TARBP1: variants seen among roughly 807,000 people sequenced by gnomAD.
The protein encoded by TARBP1 is tRNA guanosine 2 -O-methyltransferase TARBP1.
TARBP1 carries 144 observed loss-of-function variants against 178.6 expected under a neutral mutation model. The observed-to-expected ratio is 0.81, with a 90% CI of 0.70 to 0.93. The LOEUF (loss-of-function observed/expected upper bound fraction) is 0.93. Ranked by LOEUF, TARBP1 falls within the 40% of genes least tolerant of loss-of-function variation. The pLI is 0.00. For synonymous variants in TARBP1, 787 were observed against 781.0 expected (o/e 1.01, Z -0.13); for missense variants, 2,067 against 2,011.7 (o/e 1.03, Z -0.53).
chr1:234,467,530 A>G lies in TARBP1; in HGVS notation c.1220T>C (p.Ile407Thr). 1.3e-6 allele frequency: 2 copies of G among 1,595,604 alleles called. No homozygotes were observed. The highest frequency in any genetic ancestry group is 1.7e-6 in the Non-Finnish European group (2 of 1,174,564). Residue 407 changes from isoleucine to threonine, a missense_variant, in exon 4 of 30, where the codon ATT becomes ACT. Coordinates refer to ENST00000040877, the MANE Select transcript of TARBP1 (RefSeq NM_005646.4). Reference sequence around the variant, plus strand: ...AGAAAATTCTGGTGAAAATGGAAGAATCTTTGTTTCATACAGCTCCAAAAA... The same window carrying G: ...AGAAAATTCTGGTGAAAATGGAAGAGTCTTTGTTTCATACAGCTCCAAAAA... ...IHFLELYETKILPFSPEFSEF... is the reference protein window; with the variant it reads ...IHFLELYETKTLPFSPEFSEF...
chr1:234,405,048 G>A (rs1429962314), intron 24 of TARBP1, among the ~76,000 whole-genome samples: 2 of 152,086 alleles, frequency 1.3e-5, no homozygotes, highest in Non-Finnish European at 2.9e-5. Flanking sequence ...TAATGGTCAC[G>A]ACCAAGACTT....
intron 22 of TARBP1, among the ~76,000 whole-genome samples, chr1:234,416,217 G>A (rs1033191324): frequency 6.6e-6 from 1 of 152,292 alleles, no homozygotes; most frequent in African/African-American, 2.4e-5. Context: ...GGATCTAAAA[G>A]GCAACTCAAG....
chr1:234,451,416 G>C (rs1666735543), intron 9 of TARBP1, among the ~76,000 whole-genome samples: 1 of 152,042 alleles, frequency 6.6e-6, no homozygotes, highest in African/African-American at 2.4e-5. Flanking sequence ...TTTACTATAA[G>C]GAGGCAAAGG....
chr1:234,417,945 T>G (rs770754331), intron 22 of TARBP1, 139 bp downstream of exon 22: 20 of 447,376 alleles, frequency 4.5e-5, no homozygotes, highest in Non-Finnish European at 5.6e-5. Flanking sequence ...TTAATTCAGA[T>G]CTTGCAAAAC....
At chr1:234,475,121 C>G (rs577570515) in intron 1 of TARBP1, among the ~76,000 whole-genome samples, 2 of 152,346 alleles carry the variant, frequency 1.3e-5, no homozygotes, top group East Asian at 3.9e-4. Flanking sequence ...TTCTTCAAGC[C>G]TGCCCCGGTG....
At chr1:234,412,679 T>G (rs1284455356) in intron 22 of TARBP1, among the ~76,000 whole-genome samples, 1 of 151,760 alleles carries the variant, frequency 6.6e-6, no homozygotes, top group South Asian at 2.1e-4. Flanking sequence ...ACACATGAAC[T>G]GAGATGTGAA....
At chr1:234,399,407 T>C (rs1660447884) in intron 25 of TARBP1, among the ~76,000 whole-genome samples, 1 of 152,214 alleles carries the variant, frequency 6.6e-6, no homozygotes, top group African/African-American at 2.4e-5. Context: ...GGGAACCAAG[T>C]AGGGGGCACC....
intron 5 of TARBP1, 22 bp downstream of exon 5, chr1:234,465,634 T>C (rs1244443670): frequency 1.3e-6 from 2 of 1,553,976 alleles, no homozygotes; most frequent in South Asian, 1.3e-5. Context: ...ATCAAATACT[T>C]CATAACATAA....
chr1:234,413,699 G>C lies in TARBP1; in HGVS notation c.3706-3168C>G, dbSNP rs1662104664. ...CTGTGTTCAGCAGGTGGGGTCACCT[G>C]TTGAAATTCTCACCATGGAAACCCT... On this transcript the variant is annotated intron_variant, in intron 22 of 29. Transcript: ENST00000040877. Among the ~76,000 whole-genome samples the C allele has an allele frequency of 2.6e-5, 4 of 152,164 alleles. No homozygotes were observed. In the South Asian group the frequency reaches 8.3e-4, roughly 32 times the overall value.
intron 9 of TARBP1, 36 bp downstream of exon 9, chr1:234,457,631 T>A (rs1230773187): frequency 6.8e-7 from 1 of 1,462,856 alleles, no homozygotes; most frequent in Non-Finnish European, 9.3e-7. Context: ...TTTTTTATAG[T>A]TTTCAAAGAC....
chr1:234,401,011 A>C, intron 25 of TARBP1, 170 bp downstream of exon 25: 1 of 503,008 alleles, frequency 2.0e-6, no homozygotes, highest in Non-Finnish European at 3.5e-6. Context: ...AATGAAAGCA[A>C]GTCATCTGCA....
chr1:234,414,663 A>G (rs942285046), intron 22 of TARBP1, among the ~76,000 whole-genome samples: 1 of 152,198 alleles, frequency 6.6e-6, no homozygotes, highest in Non-Finnish European at 1.5e-5. Context: ...CTGGTCTACC[A>G]TGGATTCAAG....
intron 19 of TARBP1, 65 bp downstream of exon 19, chr1:234,427,252 G>T (rs1663878509): frequency 8.9e-7 from 1 of 1,120,452 alleles, no homozygotes; most frequent in Non-Finnish European, 1.3e-6. Flanking sequence ...CAGAATGTTT[G>T]TCATATGATG....
At chr1:234,468,546 G>A (rs950918217) in intron 3 of TARBP1, among the ~76,000 whole-genome samples, 14 of 152,328 alleles carry the variant, frequency 9.2e-5, no homozygotes, top group Admixed American at 2.6e-4. Flanking sequence ...ATGCATGCAG[G>A]TTGGAACTTC....
intron 20 of TARBP1, among the ~76,000 whole-genome samples, chr1:234,424,474 T>C (rs1156439580): frequency 6.6e-6 from 1 of 152,214 alleles, no homozygotes; most frequent in Non-Finnish European, 1.5e-5. Context: ...CACCCAGATC[T>C]AGAAATAACA....
intron 9 of TARBP1, among the ~76,000 whole-genome samples, chr1:234,451,078 A>G (rs992262883): frequency 1.3e-5 from 2 of 152,208 alleles, no homozygotes; most frequent in Non-Finnish European, 2.9e-5. Context: ...CCCTCCTCAC[A>G]AGTTTATTTT....
chr1:234,476,182 TTTC>T (rs1238600460), intron 1 of TARBP1, among the ~76,000 whole-genome samples: 2 of 152,140 alleles, frequency 1.3e-5, no homozygotes, highest in Non-Finnish European at 2.9e-5. Context: ...AGATGGGGAT[TTTC>T]AGGAGAGAAA....
intron 1 of TARBP1, among the ~76,000 whole-genome samples, chr1:234,475,362 T>A (rs1669478245): frequency 6.6e-6 from 1 of 152,208 alleles, no homozygotes; most frequent in South Asian, 2.1e-4. Flanking sequence ...GTTGCCTGCC[T>A]CTAGGGCAGG....
intron 20 of TARBP1, among the ~76,000 whole-genome samples, chr1:234,422,403 TA>T (rs1161209403): frequency 1.3e-5 from 2 of 152,058 alleles, no homozygotes; most frequent in Non-Finnish European, 2.9e-5. Flanking sequence ...TATTTGGCCA[TA>T]AAAAAGAATG....
Sources: gnomAD v4.1 joint callset for allele counts (sites outside exome capture counted in the v4.1 genomes callset) on GRCh38, gnomAD v4.1.1 for gene constraint, MANE v1.5 for transcripts, NCBI Gene and HGNC (gene_info 2026-07-23, HGNC 2026-07-21) for gene names.